Variants in OGFOD3 observed in about 807,000 individuals in gnomAD.
OGFOD3 encodes the protein 2-oxoglutarate and iron-dependent oxygenase domain-containing protein 3.
In OGFOD3, 35 loss-of-function variants were observed where a neutral mutation model predicts 39.8. That is an observed-to-expected ratio of 0.88 (90% CI 0.67 to 1.17). The LOEUF (loss-of-function observed/expected upper bound fraction) is 1.17, where lower values mean the gene tolerates loss of function less well. OGFOD3 is among the 50% of genes most tolerant of loss of function. The pLI is 0.00. For missense variants in OGFOD3, 438 were observed against 454.5 expected (o/e 0.96, Z 0.33); for synonymous variants, 200 against 192.0 (o/e 1.04, Z -0.34).
chr17:82,401,800 T>G (rs2052767899), intron 7 of OGFOD3, among the ~76,000 whole-genome samples: 1 of 47,004 alleles, frequency 2.1e-5, no homozygotes, highest in Non-Finnish European at 3.9e-5. Flanking sequence ...CAAGACTCCA[T>G]CTCAAAAAAA....
rs548734849 is a variant in OGFOD3 at position 82,395,259 on chromosome 17, C to T, written c.824-2725G>A. On this transcript the variant is annotated intron_variant, in intron 8 of 8. Transcript: ENST00000313056. ...TTTGGCCAGGCTGGTCTTGAACTCC[C>T]GAGCTCAAACGATCTGCCTGCCTCG... Among the ~76,000 whole-genome samples the T allele has an allele frequency of 1.3e-3, 198 of 152,214 alleles. 1 individual carries two copies. The highest frequency in any genetic ancestry group is 2.1e-3 in the Non-Finnish European group (141 of 68,022).
intron 8 of OGFOD3, among the ~76,000 whole-genome samples, chr17:82,395,414 C>T (rs1171796349): frequency 1.3e-5 from 2 of 152,160 alleles, no homozygotes; most frequent in African/African-American, 2.4e-5. Context: ...TCTGTGAGTC[C>T]CAACAGTGAG....
chr17:82,409,385 C>T lies in OGFOD3; in HGVS notation c.406G>A (p.Gly136Arg). The change falls in exon 4 of 9, where the codon GGA (glycine) becomes AGA (arginine). Residue 136 changes from glycine (G) to arginine (R), a missense_variant. Transcript: ENST00000313056. ...RSVAEKGLSL[G>R]GSDGGASILD... Reference sequence around the variant, plus strand: ...CAACTCACCCCTCCGTCAGATCCTCCCAGGGAGAGCCCCTTTTCAGCTACG... The same window carrying T: ...CAACTCACCCCTCCGTCAGATCCTCTCAGGGAGAGCCCCTTTTCAGCTACG... 6.2e-7 allele frequency: 1 copy of T among 1,614,106 alleles called. No individual in the cohort carries two copies. The highest frequency in any genetic ancestry group is 8.5e-7 in the Non-Finnish European group (1 of 1,179,980).
In OGFOD3 at chr17:82,391,436, G is replaced by C. The variant is rs2052595627; in HGVS notation, c.*962C>G. 6.6e-6 allele frequency: 1 copy of C among 152,394 alleles called. No individual in the cohort carries two copies. The highest frequency in any genetic ancestry group is 1.5e-5 in the Non-Finnish European group (1 of 68,172). The allele number at this position is 152,394 out of a possible 1,614,324, so 9.4% of individuals were successfully genotyped here. On this transcript the variant is annotated 3_prime_UTR_variant, in exon 9 of 9. Coordinates refer to ENST00000313056, the MANE Select transcript of OGFOD3 (RefSeq NM_024648.3). This position sits in a 1 kb window ranked among gnomAD's most constrained non-coding sequence, Gnocchi z 5.1. ...CGGCTCACTGCAACTTCTGCCCCCT[G>C]GGTTCAAGCGATTCTCCTGCCTCAG...
chr17:82,418,508 GGGCCGGACGCGGGCGCCA>G lies in OGFOD3; in HGVS notation c.-41_-24del. On this transcript the variant is annotated 5_prime_UTR_variant, in exon 1 of 9. Coordinates refer to ENST00000313056, the MANE Select transcript of OGFOD3 (RefSeq NM_024648.3). ...CATCGGACCAGGCCGCCGCGGAGCCGGGCCGGACGCGGGCGCCAGGCCCGGGGACGAACGCCGTAACAG... is the reference window on the plus strand; with the variant it reads ...CATCGGACCAGGCCGCCGCGGAGCCGGGCCCGGGGACGAACGCCGTAACAG... 7.6e-7 allele frequency: 1 copy of G among 1,319,142 alleles called. No homozygotes were observed. Among genetic ancestry groups the G allele is most frequent in the Non-Finnish European group, 9.7e-7 (1 of 1,033,340 alleles). The allele number at this position is 1,319,142 out of a possible 1,614,324, so 81.7% of individuals were successfully genotyped here. A position where few individuals can be genotyped will look rare whatever the true frequency, so the allele number is the denominator to read the frequency against.
At chr17:82,405,490 G>A (rs1009144373) in intron 5 of OGFOD3, 110 bp from the exon 6 acceptor site, 1 of 894,388 alleles carries the variant, frequency 1.1e-6, no homozygotes, top group African/African-American at 1.6e-5. Context: ...CACACATTCA[G>A]AGCAACTCCA....
intron 7 of OGFOD3, among the ~76,000 whole-genome samples, chr17:82,398,937 G>C (rs1288332472): frequency 6.8e-6 from 1 of 146,370 alleles, no homozygotes; most frequent in African/African-American, 2.5e-5. Flanking sequence ...TGGCCTCCCG[G>C]GTGCTGGGAT....
intron 7 of OGFOD3, among the ~76,000 whole-genome samples, chr17:82,399,500 C>T (rs938582938): frequency 6.6e-6 from 1 of 152,216 alleles, no homozygotes; most frequent in Non-Finnish European, 1.5e-5. Flanking sequence ...TGTGTCTTCA[C>T]TGTTTTTAAG....
At chr17:82,407,550 CCT>C (rs1378676941) in intron 4 of OGFOD3, among the ~76,000 whole-genome samples, 2 of 152,232 alleles carry the variant, frequency 1.3e-5, no homozygotes, top group African/African-American at 2.4e-5. Context: ...CGACCACCCA[CCT>C]CTCAGTCCTT....
intron 7 of OGFOD3, among the ~76,000 whole-genome samples, chr17:82,399,135 GCTT>G (rs1299606330): frequency 6.6e-6 from 1 of 152,186 alleles, no homozygotes; most frequent in Non-Finnish European, 1.5e-5. Flanking sequence ...CAACATCTGT[GCTT>G]CTTATTTTCC....
At position 82,392,529 on chromosome 17, in the gene OGFOD3, C is replaced by T. The variant is rs371388396; in HGVS notation, c.829G>A (p.Val277Ile). ...NKTVEPRAGR[V>I]SFFTSGSENL... is the part of the protein sequence containing the mutation. The stretch of plus-strand genomic sequence containing the variant: ...TCGGACCCCGAGGTGAAGAAGGAGA[C>T]GCGACCTGGGAGAGGAGAAGAGAGA... Residue 277 changes from valine to isoleucine, a missense_variant, in exon 9 of 9, where the codon GTC (valine) becomes ATC (isoleucine). Val to Ile is a conservative substitution (Grantham distance 29). Coordinates refer to ENST00000313056, the MANE Select transcript of OGFOD3 (RefSeq NM_024648.3). The surrounding 1 kb of genome is among the most constrained non-coding windows in gnomAD (Gnocchi z 4.2). The T allele has an allele frequency of 4.2e-5, 66 of 1,587,618 alleles. 1 individual carries two copies. In the East Asian group the frequency reaches 6.0e-4, roughly 14 times the overall value.
rs2052850523 is a variant in OGFOD3, at chr17:82,406,042, CTCTT to C, written c.488+372_488+375del. On this transcript the variant is annotated intron_variant, in intron 5 of 8. Coordinates refer to ENST00000313056, the MANE Select transcript of OGFOD3 (RefSeq NM_024648.3). The surrounding 1 kb of genome is among the most constrained non-coding windows in gnomAD (Gnocchi z 5.2). Reference sequence around the variant, plus strand: ...TGACACGGATCCACGCAGGGAGGGTCTCTTTGCTCTCCCGGCCCCTCATGGAGCG... The same window carrying C: ...TGACACGGATCCACGCAGGGAGGGTCTGCTCTCCCGGCCCCTCATGGAGCG... Among the ~76,000 whole-genome samples the C allele has an allele frequency of 6.6e-6, 1 of 152,186 alleles. No homozygotes were observed. The highest frequency in any genetic ancestry group is 1.5e-5 in the Non-Finnish European group (1 of 68,030).
rs2052856558 is a variant in OGFOD3, at chr17:82,406,410, G to A, written c.488+8C>T. ...GAGCCAGCACTGAGGTCATGCTGCAGCACTCACCTGTACAGGTTCACAAAG... is the reference window on the plus strand; with the variant it reads ...GAGCCAGCACTGAGGTCATGCTGCAACACTCACCTGTACAGGTTCACAAAG... On this transcript the variant is annotated splice_region_variant and intron_variant, in intron 5 of 8. Coordinates refer to ENST00000313056, the MANE Select transcript of OGFOD3 (RefSeq NM_024648.3). The surrounding 1 kb of genome is among the most constrained non-coding windows in gnomAD (Gnocchi z 5.2). 1.2e-6 allele frequency: 2 copies of A among 1,613,500 alleles called. No individual in the cohort carries two copies. The highest frequency in any genetic ancestry group is 2.7e-5 in the African/African-American group (2 of 74,936).
intron 6 of OGFOD3, 137 bp downstream of exon 6, chr17:82,405,187 T>A: frequency 1.4e-6 from 1 of 712,982 alleles, no homozygotes; most frequent in Admixed American, 2.6e-5. Flanking sequence ...CTTTGCTCCA[T>A]GAGAACTCAC....
intron 8 of OGFOD3, among the ~76,000 whole-genome samples, chr17:82,395,626 T>C (rs1016185233): frequency 1.3e-5 from 2 of 151,892 alleles, no homozygotes; most frequent in Admixed American, 6.6e-5. Flanking sequence ...TTGAGACCAT[T>C]CTGGCTAACA....
At position 82,404,477 on chromosome 17, in the gene OGFOD3, G is replaced by T. The variant is rs890552942; in HGVS notation, c.546-387C>A. Reference sequence around the variant, plus strand: ...CTGTCCCCCAACGTGAGTGTGCGGGGTGTGTGGACGTGGGGAGAGGGGAGT... The same window carrying T: ...CTGTCCCCCAACGTGAGTGTGCGGGTTGTGTGGACGTGGGGAGAGGGGAGT... On this transcript the variant is annotated intron_variant, in intron 6 of 8. Transcript: ENST00000313056. This position sits in a 1 kb window ranked among gnomAD's most constrained non-coding sequence, Gnocchi z 4.5. Among the ~76,000 whole-genome samples, 2 of 152,202 alleles carry T rather than the reference G, an allele frequency of 1.3e-5. No homozygotes were observed. The highest frequency in any genetic ancestry group is 2.9e-5 in the Non-Finnish European group (2 of 68,018).
Position 82,406,544 on chromosome 17 carries a change from C to T in OGFOD3, c.424-62G>A. On this transcript the variant is annotated intron_variant, in intron 4 of 8. Transcript: ENST00000313056. This position sits in a 1 kb window ranked among gnomAD's most constrained non-coding sequence, Gnocchi z 5.2. ...AGCAATGGCAATGGCTGTTAAAAGT[C>T]ATGGATGGTAAATGCGAGTTTCCAA... 1 of 1,402,910 alleles carries T rather than the reference C, an allele frequency of 7.1e-7. No homozygotes were observed. Among genetic ancestry groups the T allele is most frequent in the South Asian group, 1.2e-5 (1 of 86,552 alleles). The allele number at this position is 1,402,910 out of a possible 1,614,324, so 86.9% of individuals were successfully genotyped here.
chr17:82,403,794 C>G, intron 7 of OGFOD3, 143 bp downstream of exon 7: 1 of 1,056,950 alleles, frequency 9.5e-7, no homozygotes, highest in South Asian at 1.4e-5. Context: ...ACTCACCCTG[C>G]CCACGTACGC....
At position 82,415,537 on chromosome 17, in the gene OGFOD3, G is replaced by A. The variant is rs370461921; in HGVS notation, c.165C>T (p.Leu55=). 32 of 1,613,366 alleles carry A rather than the reference G, an allele frequency of 2.0e-5. No individual in the cohort carries two copies. In the African/African-American group the frequency reaches 3.9e-4, roughly 20 times the overall value. The change falls in exon 2 of 9, where the codon CTC becomes CTT. Residue 55 remains leucine, a synonymous_variant. Coordinates refer to ENST00000313056, the MANE Select transcript of OGFOD3 (RefSeq NM_024648.3). The surrounding 1 kb of genome is among the most constrained non-coding windows in gnomAD (Gnocchi z 5.3). ...RTAGLGAGFV[L]TALLLWSSLG... ...AGCTGCTCCAGAGCAGGAGTGCGGT[G>A]AGCACAAAGCCAGCCCCCAGGCCCG...
Sources: gnomAD v4.1 joint callset for allele counts (sites outside exome capture counted in the v4.1 genomes callset) on GRCh38, gnomAD v4.1.1 for gene constraint, Gnocchi (gnomAD v3.1) non-coding constraint, MANE v1.5 for transcripts, NCBI Gene and HGNC (gene_info 2026-07-23, HGNC 2026-07-21) for gene names.